Variants in HNRNPD observed in about 807,000 individuals in gnomAD.
HNRNPD encodes heterogeneous nuclear ribonucleoprotein D0.
In HNRNPD, 3 loss-of-function variants were observed where a neutral mutation model predicts 47.9. That is an observed-to-expected ratio of 0.06 (90% CI 0.03 to 0.16). The LOEUF is 0.16. Ranked by LOEUF, HNRNPD falls within the 10% of genes least tolerant of loss-of-function variation. The probability of loss-of-function intolerance (pLI) is 1.00; values close to 1 mark genes in which losing one functional copy is unlikely to be tolerated. For synonymous variants in HNRNPD, 171 were observed against 165.1 expected, an observed-to-expected ratio of 1.04 and a Z score of -0.28; for missense variants, 287 against 454.2, an observed-to-expected ratio of 0.63 and a Z score of 3.35.
rs1253116254 is a variant in HNRNPD, at chr4:82,353,375, C to T, written c.*810G>A. ...ATCCTCCCTCAACACTTGAATTCAT[C>T]TATGAAGTCCACCACAGCTCTAAAA... On this transcript the variant is annotated 3_prime_UTR_variant, in exon 9 of 9. Transcript: ENST00000313899. 1.3e-5 allele frequency: 2 copies of T among 152,178 alleles called. No homozygotes were observed. The highest frequency in any genetic ancestry group is 2.9e-5 in the Non-Finnish European group (2 of 68,008). The allele number at this position is 152,178 out of a possible 1,614,324, so 9.4% of individuals were successfully genotyped here. A position where few individuals can be genotyped will look rare whatever the true frequency, so the allele number is the denominator to read the frequency against.
rs984727390 is a variant in HNRNPD, at chr4:82,373,658, G to A, written c.21C>T (p.Gly7=). Residue 7 remains glycine (G), a synonymous_variant, in exon 1 of 9, where the codon GGC becomes GGT. Transcript: ENST00000313899. MSEEQF[G]GDGAAAAATA... ...TTGCCGCTGCCGCCGCCCCGTCCCCGCCGAACTGCTCCTCCGACATAGTGC... is the reference window on the plus strand; with the variant it reads ...TTGCCGCTGCCGCCGCCCCGTCCCCACCGAACTGCTCCTCCGACATAGTGC... 24 of 1,527,168 alleles carry A rather than the reference G, an allele frequency of 1.6e-5. No individual in the cohort carries two copies. The highest frequency in any genetic ancestry group is 2.1e-5 in the Non-Finnish European group (24 of 1,143,674). The allele number at this position is 1,527,168 out of a possible 1,614,324, so 94.6% of individuals were successfully genotyped here.
At chr4:82,372,518 GA>G (rs1018775162) in intron 1 of HNRNPD, among the ~76,000 whole-genome samples, 2 of 151,960 alleles carry the variant, frequency 1.3e-5, no homozygotes, top group African/African-American at 4.8e-5. Context: ...TGGGCACCGG[GA>G]AAAAAAGGGG....
chr4:82,373,468 T>C lies in HNRNPD; in HGVS notation c.211A>G (p.Ser71Gly). The change falls in exon 1 of 9, where the codon AGT (serine) becomes GGT (glycine). Residue 71 changes from serine (S) to glycine (G), a missense_variant. Around this residue, in one of 5 missense-constraint regions of HNRNPD, gnomAD observed 161 missense variants for 137.1 expected, o/e 1.17. Transcript: ENST00000313899. The stretch of plus-strand genomic sequence containing the variant: ...CACCCTTCATCCTCCTCGTTCTTAC[T>C]GGCGTCAATCTTCGCCCCCTCCGAC... ...AESEGAKIDA[S>G]KNEEDEGHSN... The C allele has an allele frequency of 6.4e-7, 1 of 1,568,082 alleles. No homozygotes were observed. Among genetic ancestry groups the C allele is most frequent in the Non-Finnish European group, 8.7e-7 (1 of 1,155,348 alleles).
Position 82,356,297 on chromosome 4 carries a change from C to G in HNRNPD, c.1000+240G>C, listed in dbSNP as rs1405264261. On this transcript the variant is annotated intron_variant, in intron 7 of 8. Transcript: ENST00000313899. ...TGAACTGAGCTTAAAATTTTTAAAT[C>G]CAAGTAAAACAAATGCCCAGCAAAC... 2.0e-5 allele frequency: 8 copies of G among 405,308 alleles called. No individual in the cohort carries two copies. The South Asian group carries it at 4.4e-4, about 22-fold the overall frequency. 25.1% of individuals were successfully genotyped at this position (405,308 alleles called of 1,614,324 possible).
intron 2 of HNRNPD, among the ~76,000 whole-genome samples, chr4:82,366,860 C>T (rs1456439789): frequency 1.3e-5 from 2 of 150,990 alleles, no homozygotes; most frequent in Non-Finnish European, 3.0e-5. Flanking sequence ...TACGCCTGGC[C>T]TAAAAATAAA....
chr4:82,372,949 G>A (rs774451893), intron 1 of HNRNPD, among the ~76,000 whole-genome samples: 2 of 152,230 alleles, frequency 1.3e-5, no homozygotes, highest in Non-Finnish European at 2.9e-5. Context: ...GACAGCCTAC[G>A]CGTTCCCCAA....
At chr4:82,357,982 A>T (rs1451751071) in intron 4 of HNRNPD, 1 of 152,294 alleles carries the variant, frequency 6.6e-6, no homozygotes, top group African/African-American at 2.4e-5. Context: ...ACACTAAAAA[A>T]GCACTTATTG....
At chr4:82,357,189 G>A in intron 5 of HNRNPD, 124 bp downstream of exon 5, 4 of 1,146,404 alleles carry the variant, frequency 3.5e-6, no homozygotes, top group Non-Finnish European at 4.8e-6. Context: ...GTTGGTCAAT[G>A]GTAAGTAACC....
chr4:82,364,161 G>C (rs1719628035), intron 2 of HNRNPD, among the ~76,000 whole-genome samples: 1 of 152,038 alleles, frequency 6.6e-6, no homozygotes, highest in African/African-American at 2.4e-5. Context: ...GCAGAGATCA[G>C]GTTTTACTAT....
intron 2 of HNRNPD, among the ~76,000 whole-genome samples, chr4:82,366,464 G>C (rs1158027339): frequency 1.3e-5 from 2 of 151,944 alleles, no homozygotes; most frequent in Non-Finnish European, 2.9e-5. Flanking sequence ...GGTTGGTCTC[G>C]AACTCCTGAC....
At chr4:82,373,164 G>A (rs531282689) in intron 1 of HNRNPD, 1 of 642,344 alleles carries the variant, frequency 1.6e-6, no homozygotes, top group Admixed American at 2.1e-5. Flanking sequence ...TCGGTGGGAG[G>A]AGACCCATGG....
At chr4:82,364,508 T>C (rs1193131586) in intron 2 of HNRNPD, among the ~76,000 whole-genome samples, 4 of 152,242 alleles carry the variant, frequency 2.6e-5, no homozygotes, top group African/African-American at 4.8e-5. Flanking sequence ...TTTTATTTAC[T>C]CAATGGCTTA....
chr4:82,371,422 G>C (rs1720042717), intron 2 of HNRNPD, 106 bp downstream of exon 2: 1 of 842,282 alleles, frequency 1.2e-6, no homozygotes, highest in Admixed American at 2.2e-5. Flanking sequence ...ATGTACTATG[G>C]TCTAGAATTT....
intron 2 of HNRNPD, among the ~76,000 whole-genome samples, chr4:82,370,981 T>TATACACACAC (rs142474751): frequency 0.094 from 14,045 of 149,364 alleles, 1,095 homozygotes; most frequent in East Asian, 0.41. Context: ...GGTATATATA[T>TATACACACAC]ACACACACAC....
At chr4:82,366,072 C>G (rs1329380750) in intron 2 of HNRNPD, among the ~76,000 whole-genome samples, 7 of 152,076 alleles carry the variant, frequency 4.6e-5, no homozygotes, top group Non-Finnish European at 1.0e-4. Context: ...ATGACATTTT[C>G]AAGGTAAGTG....
intron 4 of HNRNPD, chr4:82,357,757 C>T (rs754171936): frequency 5.0e-6 from 1 of 199,238 alleles, no homozygotes; most frequent in Non-Finnish European, 1.0e-5. Flanking sequence ...CTAAGAAAAA[C>T]AGAATAAAAA....
intron 2 of HNRNPD, among the ~76,000 whole-genome samples, chr4:82,367,911 A>G (rs1257218287): frequency 6.6e-6 from 1 of 152,210 alleles, no homozygotes; most frequent in Non-Finnish European, 1.5e-5. Context: ...CATTGTTTCC[A>G]ACACATAGAT....
chr4:82,371,635 T>G, intron 1 of HNRNPD, 51 bp from the exon 2 acceptor site: 6 of 1,475,494 alleles, frequency 4.1e-6, no homozygotes, highest in Non-Finnish European at 5.7e-6. Flanking sequence ...TAGTTTTAGT[T>G]TTTGACACTG....
chr4:82,358,900 T>C (rs1723843788), intron 3 of HNRNPD, 80 bp from the exon 4 acceptor site: 44 of 1,042,892 alleles, frequency 4.2e-5, no homozygotes, highest in Non-Finnish European at 6.1e-5. Context: ...TAAAAATAAC[T>C]ATAAATACAG....
Sources: gnomAD v4.1 joint callset for allele counts (sites outside exome capture counted in the v4.1 genomes callset) on GRCh38, gnomAD v4.1.1 for gene constraint, gnomAD v4.1.1 regional missense constraint, MANE v1.5 for transcripts, NCBI Gene and HGNC (gene_info 2026-07-23, HGNC 2026-07-21) for gene names.